Variants in NR3C2 observed in about 807,000 individuals in gnomAD.
NR3C2 encodes the protein mineralocorticoid receptor.
In NR3C2, 15 loss-of-function variants were observed where a neutral mutation model predicts 86.4. The ratio of observed to expected loss-of-function variants is 0.17; its 90% confidence interval spans 0.12 to 0.27. The LOEUF (loss-of-function observed/expected upper bound fraction) is 0.27, where lower values mean the gene tolerates loss of function less well. NR3C2 is among the 10% of genes least tolerant of loss of function. NR3C2 has a pLI of 1.00. For missense variants in NR3C2, 960 were observed against 1,195.6 expected, an observed-to-expected ratio of 0.80 and a Z score of 2.91; for synonymous variants, 458 against 450.5, an observed-to-expected ratio of 1.02 and a Z score of -0.21.
Position 148,344,305 on chromosome 4 carries a change from T to C in NR3C2, c.1758-84188A>G, listed in dbSNP as rs571232597. 2.0e-5 allele frequency among the ~76,000 whole-genome samples: 3 copies of C among 152,258 alleles called. No homozygotes were observed. The East Asian group carries it at 5.8e-4, about 29-fold the overall frequency. Reference sequence around the variant, plus strand: ...AACATGATTAGAAGTATATCTAACATAGTGAAATACTGGAATTATAAGTAA... The same window carrying C: ...AACATGATTAGAAGTATATCTAACACAGTGAAATACTGGAATTATAAGTAA... On this transcript the variant is annotated intron_variant, in intron 2 of 8. Coordinates refer to ENST00000358102, the MANE Select transcript of NR3C2 (RefSeq NM_000901.5).
At chr4:148,295,730 C>A (rs902396745) in intron 2 of NR3C2, among the ~76,000 whole-genome samples, 8 of 151,636 alleles carry the variant, frequency 5.3e-5, no homozygotes, top group Non-Finnish European at 1.2e-4. Context: ...TAAGCTCAAT[C>A]AGGATGGGAA....
intron 2 of NR3C2, among the ~76,000 whole-genome samples, chr4:148,433,487 A>T (rs1440658058): frequency 6.6e-6 from 1 of 152,188 alleles, no homozygotes; most frequent in Non-Finnish European, 1.5e-5. Context: ...AAAATATGAA[A>T]ACTAAAAATT....
chr4:148,142,661 A>AT (rs1733669824), intron 6 of NR3C2, among the ~76,000 whole-genome samples: 1 of 151,944 alleles, frequency 6.6e-6, no homozygotes, highest in Non-Finnish European at 1.5e-5. Flanking sequence ...CGCCAGACTA[A>AT]TTTTTTGTAT....
chr4:148,304,075 A>G (rs1742478270), intron 2 of NR3C2, among the ~76,000 whole-genome samples: 1 of 152,222 alleles, frequency 6.6e-6, no homozygotes, highest in South Asian at 2.1e-4. Context: ...CCCTCTTTCT[A>G]GATGAGTAGT....
chr4:148,412,821 G>GCGCA lies in NR3C2; in HGVS notation c.1757+22282_1757+22283insTGCG, dbSNP rs1553940179. ...CGTGCATACACAGGTGCACATGTGC[G>GCGCA]CACACACACACACACACACACCCCT... On this transcript the variant is annotated intron_variant, in intron 2 of 8. Coordinates refer to ENST00000358102, the MANE Select transcript of NR3C2 (RefSeq NM_000901.5). Among the ~76,000 whole-genome samples, 192 of 116,078 alleles carry GCGCA rather than the reference G, an allele frequency of 1.7e-3. 1 individual carries two copies. Among genetic ancestry groups the GCGCA allele is most frequent in the South Asian group, 4.8e-3 (14 of 2,926 alleles). 76.2% of individuals were successfully genotyped at this position (116,078 alleles called of 152,430 possible).
rs886274681 is a variant in NR3C2, at chr4:148,081,180, A to C, written c.*164T>G. 7 of 986,672 alleles carry C rather than the reference A, an allele frequency of 7.1e-6. No individual in the cohort carries two copies. Among genetic ancestry groups the C allele is most frequent in the Non-Finnish European group, 1.1e-5 (7 of 645,192 alleles). The allele number at this position is 986,672 out of a possible 1,614,324, so 61.1% of individuals were successfully genotyped here. A position where few individuals can be genotyped will look rare whatever the true frequency, so the allele number is the denominator to read the frequency against. On this transcript the variant is annotated 3_prime_UTR_variant, in exon 9 of 9. Transcript: ENST00000358102. ...TCTGGTCTCGCCAAATCCACGGAAA[A>C]ACAGCTTTCCCGGCTCCAAACCTCT...
chr4:148,345,623 A>C (rs1329768171), intron 2 of NR3C2, among the ~76,000 whole-genome samples: 1 of 151,936 alleles, frequency 6.6e-6, no homozygotes, highest in Non-Finnish European at 1.5e-5. Context: ...CGAAAGAAGA[A>C]ATGTTCTTCT....
intron 2 of NR3C2, among the ~76,000 whole-genome samples, chr4:148,272,150 G>A (rs1198515276): frequency 6.6e-6 from 1 of 152,134 alleles, no homozygotes; most frequent in Non-Finnish European, 1.5e-5. Flanking sequence ...TCATATTCTA[G>A]TATGAGGGAA....
intron 6 of NR3C2, among the ~76,000 whole-genome samples, chr4:148,130,997 A>T: frequency 6.6e-6 from 1 of 151,252 alleles, no homozygotes; most frequent in East Asian, 1.9e-4. Flanking sequence ...TGCCTGGCTA[A>T]TTTTTTTTGT....
intron 2 of NR3C2, among the ~76,000 whole-genome samples, chr4:148,355,944 G>A (rs968300094): frequency 5.3e-5 from 8 of 152,116 alleles, no homozygotes; most frequent in African/African-American, 1.9e-4. Context: ...TGAGAACAGG[G>A]CTAGCACCCA....
rs71594256 is a variant in NR3C2, at chr4:148,266,075, C to CTT, written c.1758-5960_1758-5959dup. The stretch of plus-strand genomic sequence containing the variant: ...TAAATAAAATAGCTCCAGAAGGCCG[C>CTT]TTTTTTTTTTTTTTTTGAGACAAGA... On this transcript the variant is annotated intron_variant, in intron 2 of 8. Transcript: ENST00000358102. Among the ~76,000 whole-genome samples the CTT allele has an allele frequency of 9.6e-3, 1,297 of 134,838 alleles. 24 individuals are homozygous for CTT. Among genetic ancestry groups the CTT allele is most frequent in the African/African-American group, 0.027 (966 of 36,448 alleles). The allele number at this position is 134,838 out of a possible 152,430, so 88.5% of individuals were successfully genotyped here.
intron 3 of NR3C2, among the ~76,000 whole-genome samples, chr4:148,223,531 T>C (rs1232153366): frequency 6.6e-6 from 1 of 152,148 alleles, no homozygotes; most frequent in African/African-American, 2.4e-5. Flanking sequence ...AGTCAGGGTG[T>C]TACTGAGCTA....
intron 6 of NR3C2, among the ~76,000 whole-genome samples, chr4:148,152,265 ATT>A: frequency 6.6e-6 from 1 of 152,186 alleles, no homozygotes; most frequent in East Asian, 1.9e-4. Context: ...ATATATACTG[ATT>A]TATATACACT....
intron 6 of NR3C2, among the ~76,000 whole-genome samples, chr4:148,128,399 G>A (rs377471741): frequency 2.6e-3 from 394 of 152,278 alleles, no homozygotes; most frequent in African/African-American, 8.8e-3. Flanking sequence ...AAATGTAATC[G>A]TAGAATCATA....
intron 2 of NR3C2, among the ~76,000 whole-genome samples, chr4:148,361,129 T>C (rs1356099515): frequency 6.6e-6 from 1 of 152,126 alleles, no homozygotes; most frequent in Non-Finnish European, 1.5e-5. Context: ...AACAGTGAAG[T>C]GTTTGTTTTC....
intron 2 of NR3C2, among the ~76,000 whole-genome samples, chr4:148,268,709 T>A (rs1740519894): frequency 6.6e-6 from 1 of 152,154 alleles, no homozygotes; most frequent in Admixed American, 6.5e-5. Flanking sequence ...CAAGGAGCTG[T>A]ACCTTAGAGA....
intron 2 of NR3C2, among the ~76,000 whole-genome samples, chr4:148,337,146 T>C (rs951887762): frequency 6.6e-6 from 1 of 152,208 alleles, no homozygotes; most frequent in Non-Finnish European, 1.5e-5. Context: ...AATACAAAAA[T>C]ATATGGAAAT....
At chr4:148,156,005 A>G (rs1291141091) in intron 4 of NR3C2, among the ~76,000 whole-genome samples, 2 of 152,224 alleles carry the variant, frequency 1.3e-5, no homozygotes, top group Non-Finnish European at 2.9e-5. Flanking sequence ...AAAACAAGCA[A>G]TGGGGAAAGG....
rs770681793 is a variant in NR3C2 at position 148,435,456 on chromosome 4, G to A, written c.1405C>T (p.Leu469=). Residue 469 remains leucine, a synonymous_variant, in exon 2 of 9, where the codon CTA becomes TTA. Coordinates refer to ENST00000358102, the MANE Select transcript of NR3C2 (RefSeq NM_000901.5). Reference sequence around the variant, plus strand: ...ACAGGTGGTCCTAAAATTCCTGATAGGGAATAATAGTCTTTATCATCCATA... The same window carrying A: ...ACAGGTGGTCCTAAAATTCCTGATAAGGAATAATAGTCTTTATCATCCATA... ...SFMDDKDYYS[L]SGILGPPVPG... The A allele has an allele frequency of 6.2e-7, 1 of 1,614,128 alleles. No homozygotes were observed. The highest frequency in any genetic ancestry group is 8.5e-7 in the Non-Finnish European group (1 of 1,180,028).
Sources: allele counts gnomAD v4.1 joint callset (sites outside exome capture counted in the v4.1 genomes callset), GRCh38; gene constraint gnomAD v4.1.1; transcripts MANE v1.5; gene names NCBI Gene and HGNC (gene_info 2026-07-23, HGNC 2026-07-21).